Variants in PRKN observed in about 807,000 individuals in gnomAD.
PRKN encodes the protein parkin RBR E3 ubiquitin protein ligase.
In PRKN, 56 loss-of-function variants were observed where a neutral mutation model predicts 59.5. The observed-to-expected ratio is 0.94, with a 90% CI of 0.76 to 1.18. The LOEUF (loss-of-function observed/expected upper bound fraction) is 1.18. Ranked by LOEUF, PRKN falls within the 50% of genes most tolerant of loss-of-function variation. The pLI is 0.00. For missense variants in PRKN, 657 were observed against 596.4 expected (o/e 1.10, Z -1.06); for synonymous variants, 250 against 222.1 (o/e 1.13, Z -1.12).
At chr6:162,640,101 T>C (rs1583962082) in intron 1 of PRKN, among the ~76,000 whole-genome samples, 1 of 152,146 alleles carries the variant, frequency 6.6e-6, no homozygotes, top group Non-Finnish European at 1.5e-5. Context: ...TAAGAAATCA[T>C]ACCTTCTGTG....
chr6:161,736,553 G>A (rs943636162), intron 7 of PRKN, among the ~76,000 whole-genome samples: 5 of 152,140 alleles, frequency 3.3e-5, no homozygotes, highest in Admixed American at 3.3e-4. Flanking sequence ...CCATCCCCAG[G>A]GCAAAGAAAA....
intron 6 of PRKN, among the ~76,000 whole-genome samples, chr6:161,867,344 G>A (rs1794151805): frequency 6.6e-6 from 1 of 152,150 alleles, no homozygotes; most frequent in African/African-American, 2.4e-5. Context: ...ATAGGCACTG[G>A]AAATTGAATT....
rs1554277877 is a variant in PRKN, at chr6:161,570,146, A to AAT, written c.872-732_872-731dup. Reference sequence around the variant, plus strand: ...AGGTAAAAAAAAAAAAAAAAAAAAAAATATATATATATATATATATATGCA... The same window carrying AAT: ...AGGTAAAAAAAAAAAAAAAAAAAAAAATATATATATATATATATATATATGCA... On this transcript the variant is annotated intron_variant, in intron 7 of 11. Coordinates refer to ENST00000366898, the MANE Select transcript of PRKN (RefSeq NM_004562.3). 4.4e-3 allele frequency among the ~76,000 whole-genome samples: 336 copies of AAT among 76,524 alleles called. 7 individuals are homozygous for AAT. Among genetic ancestry groups the AAT allele is most frequent in the Middle Eastern group, 7.5e-3 (1 of 134 alleles). The allele number at this position is 76,524 out of a possible 152,430, so 50.2% of individuals were successfully genotyped here.
intron 2 of PRKN, among the ~76,000 whole-genome samples, chr6:162,346,778 T>C (rs1266975198): frequency 6.6e-6 from 1 of 152,186 alleles, no homozygotes; most frequent in Non-Finnish European, 1.5e-5. Flanking sequence ...AATTACATTA[T>C]TGATTATTTA....
At chr6:161,614,885 A>G (rs2128148169) in intron 7 of PRKN, among the ~76,000 whole-genome samples, 1 of 151,436 alleles carries the variant, frequency 6.6e-6, no homozygotes. Flanking sequence ...ACTGAAGCTG[A>G]CCTCCCAGAA....
chr6:162,188,783 T>TG (rs1554282314), intron 4 of PRKN, among the ~76,000 whole-genome samples: 9 of 151,918 alleles, frequency 5.9e-5, no homozygotes, highest in East Asian at 5.8e-4. Flanking sequence ...ATTTCGTTTT[T>TG]TTTTTTTTTT....
At chr6:162,712,632 G>A (rs1778578766) in intron 1 of PRKN, among the ~76,000 whole-genome samples, 1 of 152,206 alleles carries the variant, frequency 6.6e-6, no homozygotes, top group African/African-American at 2.4e-5. Context: ...TAACTCATTA[G>A]TTTGTAAGTA....
chr6:162,348,227 G>A (rs183413815), intron 2 of PRKN, among the ~76,000 whole-genome samples: 5 of 152,238 alleles, frequency 3.3e-5, no homozygotes, highest in Admixed American at 2.0e-4. Flanking sequence ...CAGAGTGGCC[G>A]GCCTCTGGTG....
intron 7 of PRKN, among the ~76,000 whole-genome samples, chr6:161,648,458 T>C (rs984510666): frequency 6.6e-6 from 1 of 152,192 alleles, no homozygotes; most frequent in African/African-American, 2.4e-5. Context: ...CTCATGTTTA[T>C]AGGGGCCAGG....
chr6:162,576,398 T>C (rs1003889864), intron 1 of PRKN, among the ~76,000 whole-genome samples: 6 of 152,184 alleles, frequency 3.9e-5, no homozygotes, highest in Admixed American at 2.6e-4. Context: ...AACGCTGCAT[T>C]ACCACTAACT....
chr6:161,737,318 G>A (rs571958459), intron 7 of PRKN, among the ~76,000 whole-genome samples: 3 of 152,350 alleles, frequency 2.0e-5, no homozygotes, highest in South Asian at 2.1e-4. Context: ...AGGATGGAGC[G>A]ATGAGGACAG....
At chr6:161,710,905 C>T (rs1421278689) in intron 7 of PRKN, among the ~76,000 whole-genome samples, 1 of 128,540 alleles carries the variant, frequency 7.8e-6, no homozygotes, top group Non-Finnish European at 1.6e-5. Flanking sequence ...TTCCTTCCTC[C>T]TCCCTTTCCT....
chr6:162,564,548 A>G (rs1223287044), intron 1 of PRKN, among the ~76,000 whole-genome samples: 2 of 152,150 alleles, frequency 1.3e-5, no homozygotes, highest in Non-Finnish European at 2.9e-5. Context: ...ACATCAAGGC[A>G]TTTAATAATC....
chr6:161,733,027 A>T (rs931144171), intron 7 of PRKN, among the ~76,000 whole-genome samples: 10 of 152,194 alleles, frequency 6.6e-5, no homozygotes, highest in Admixed American at 5.9e-4. Context: ...AATGCTGCTA[A>T]CAGAAAAAAA....
At chr6:162,037,882 T>G (rs946094424) in intron 5 of PRKN, among the ~76,000 whole-genome samples, 1 of 151,780 alleles carries the variant, frequency 6.6e-6, no homozygotes, top group Non-Finnish European at 1.5e-5. Flanking sequence ...TTGGCTAATT[T>G]TTTTTTCAGC....
Position 161,428,702 on chromosome 6 carries a change from A to C in PRKN, c.1084-41825T>G, listed in dbSNP as rs904424358. ...ACACATATAATAAAGCTCACAACCA[A>C]AAAAAGCACATTCACATTTTTTTTC... On this transcript the variant is annotated intron_variant, in intron 9 of 11. Transcript: ENST00000366898. The surrounding 1 kb of genome is among the most constrained non-coding windows in gnomAD (Gnocchi z 4.0). 6.6e-6 allele frequency among the ~76,000 whole-genome samples: 1 copy of C among 152,180 alleles called. No individual in the cohort carries two copies. Among genetic ancestry groups the C allele is most frequent in the African/African-American group, 2.4e-5 (1 of 41,418 alleles).
At chr6:162,174,277 G>C (rs1187891736) in intron 4 of PRKN, among the ~76,000 whole-genome samples, 1 of 152,028 alleles carries the variant, frequency 6.6e-6, no homozygotes, top group Non-Finnish European at 1.5e-5. Context: ...GCTGATGTGA[G>C]GCTGCTCTAC....
intron 6 of PRKN, among the ~76,000 whole-genome samples, chr6:161,908,306 G>T (rs1667164152): frequency 6.6e-6 from 1 of 152,148 alleles, no homozygotes; most frequent in African/African-American, 2.4e-5. Context: ...TCTTCCGGAT[G>T]GAAACAGGGC....
chr6:162,536,133 G>A (rs1296048705), intron 1 of PRKN, among the ~76,000 whole-genome samples: 1 of 152,038 alleles, frequency 6.6e-6, no homozygotes, highest in African/African-American at 2.4e-5. Flanking sequence ...AAAGAGCCGT[G>A]GTTCTCCTGC....
Sources: allele counts gnomAD v4.1 joint callset (sites outside exome capture counted in the v4.1 genomes callset), GRCh38; gene constraint gnomAD v4.1.1; non-coding constraint Gnocchi (gnomAD v3.1); transcripts MANE v1.5; gene names NCBI Gene and HGNC (gene_info 2026-07-23, HGNC 2026-07-21).